Variants in NUMBL observed in about 807,000 individuals in gnomAD.
NUMBL encodes the protein NUMB like endocytic adaptor protein.
NUMBL carries 20 observed loss-of-function variants against 48.9 expected under a neutral mutation model. The ratio of observed to expected loss-of-function variants is 0.41; its 90% CI spans 0.29 to 0.59. The LOEUF is 0.59. NUMBL is among the 20% of genes least tolerant of loss of function. The pLI is 0.31. For synonymous variants in NUMBL, 340 were observed against 348.7 expected, an observed-to-expected ratio of 0.98 and a Z score of 0.28; for missense variants, 660 against 846.2, an observed-to-expected ratio of 0.78 and a Z score of 2.73.
chr19:40,673,637 G>C lies in NUMBL; in HGVS notation c.743C>G (p.Ala248Gly). ...AGGGCCAGGAGCCACAGTGGGGGCA[G>C]CTGCTGCCTCTGCTGGAGACATGGG... is the stretch of plus-strand genomic sequence containing the variant. ...APDKKKAEAA[A>G]APTVAPGPAQ... is the part of the protein sequence containing the mutation. The change falls in exon 8 of 10, where the codon GCT becomes GGT. Residue 248 changes from alanine to glycine, a missense_variant. Ala to Gly is a moderately conservative substitution (Grantham distance 60). Coordinates refer to ENST00000252891, the MANE Select transcript of NUMBL (RefSeq NM_004756.5). The surrounding 1 kb of genome is among the most constrained non-coding windows in gnomAD (Gnocchi z 5.9). 1 of 1,491,036 alleles carries C rather than the reference G, an allele frequency of 6.7e-7. No individual in the cohort carries two copies. 92.4% of individuals were successfully genotyped at this position (1,491,036 alleles called of 1,614,324 possible).
chr19:40,681,170 A>T, intron 5 of NUMBL, 113 bp from the exon 6 acceptor site: 2 of 1,145,790 alleles, frequency 1.7e-6, no homozygotes, highest in South Asian at 2.8e-5. Flanking sequence ...GGGACCCAGC[A>T]GTCACTGAGA....
At chr19:40,686,458 C>T (rs916488295) in intron 2 of NUMBL, among the ~76,000 whole-genome samples, 2 of 152,084 alleles carry the variant, frequency 1.3e-5, no homozygotes, top group Admixed American at 6.5e-5. Context: ...CCACCACGCC[C>T]GGCCAAGAGT....
intron 5 of NUMBL, among the ~76,000 whole-genome samples, chr19:40,681,807 G>C (rs2081906660): frequency 1.3e-5 from 2 of 151,982 alleles, no homozygotes; most frequent in Non-Finnish European, 2.9e-5. Context: ...CAAGTAGCTG[G>C]GATTACAGGC....
chr19:40,677,395 G>C lies in NUMBL; in HGVS notation c.567C>G (p.Gly189=), dbSNP rs1310476999. 12 of 1,610,658 alleles carry C rather than the reference G, an allele frequency of 7.5e-6. No individual in the cohort carries two copies. The highest frequency in any genetic ancestry group is 1.0e-5 in the Non-Finnish European group (12 of 1,179,914). The change falls in exon 7 of 10, where the codon GGC becomes GGG. Residue 189 remains glycine (G), a synonymous_variant. Transcript: ENST00000252891. ...DSGERLSHAV[G]CAFAACLERK... ...GCTCCAGGCAGGCGGCAAAAGCACA[G>C]CCCACAGCGTGGCTCAGCCTCTCGC...
At position 40,667,615 on chromosome 19, in the gene NUMBL, G is replaced by A. The variant is rs374888940; in HGVS notation, c.1683C>T (p.Pro561=). The A allele has an allele frequency of 4.5e-6, 7 of 1,554,506 alleles. No individual in the cohort carries two copies. The African/African-American group carries it at 8.2e-5, about 18-fold the overall frequency. ...SQARPRPNGA[P]WPPEPAPAPA... ...GGGCAGGCGCTGGCTCAGGGGGCCAGGGGGCCCCATTGGGGCGAGGGCGGG... is the reference window on the plus strand; with the variant it reads ...GGGCAGGCGCTGGCTCAGGGGGCCAAGGGGCCCCATTGGGGCGAGGGCGGG... The change falls in exon 10 of 10, where the codon CCC becomes CCT. Residue 561 remains proline, a synonymous_variant. Coordinates refer to ENST00000252891, the MANE Select transcript of NUMBL (RefSeq NM_004756.5). This position sits in a 1 kb window ranked among gnomAD's most constrained non-coding sequence, Gnocchi z 6.1.
chr19:40,684,067 A>C, intron 3 of NUMBL: 2 of 109,588 alleles, frequency 1.8e-5, no homozygotes, highest in South Asian at 8.6e-5. Flanking sequence ...CTACGCTTCA[A>C]GTTTTTTTTT....
chr19:40,690,204 CTTGGT>C (rs545895574), intron 1 of NUMBL: 503 of 354,632 alleles, frequency 1.4e-3, no homozygotes, highest in Non-Finnish European at 2.3e-3. Flanking sequence ...TACCCCTGTC[CTTGGT>C]TTTGTGGGGG....
intron 3 of NUMBL, 41 bp downstream of exon 3, chr19:40,684,376 C>T: frequency 6.5e-7 from 1 of 1,531,254 alleles, no homozygotes; most frequent in South Asian, 1.2e-5. Flanking sequence ...ACAGCGGCCC[C>T]CGTCCCCCTC....
Position 40,682,859 on chromosome 19 carries a change from C to T in NUMBL, c.324+35G>A. ...GTCAGGGTGCCTCTCCCTGTCTGACCTTGCCCCCTCCCTCATGGCAGCCCC... is the reference window on the plus strand; with the variant it reads ...GTCAGGGTGCCTCTCCCTGTCTGACTTTGCCCCCTCCCTCATGGCAGCCCC... On this transcript the variant is annotated intron_variant, in intron 4 of 9. Transcript: ENST00000252891. The surrounding 1 kb of genome is among the most constrained non-coding windows in gnomAD (Gnocchi z 4.0). 1 of 1,614,086 alleles carries T rather than the reference C, an allele frequency of 6.2e-7. No individual in the cohort carries two copies. The highest frequency in any genetic ancestry group is 8.5e-7 in the Non-Finnish European group (1 of 1,179,978).
At chr19:40,674,554 A>C (rs1212526430) in intron 7 of NUMBL, among the ~76,000 whole-genome samples, 1 of 152,170 alleles carries the variant, frequency 6.6e-6, no homozygotes, top group African/African-American at 2.4e-5. Flanking sequence ...CATGGAGATT[A>C]AACTCAGGCC....
chr19:40,684,877 A>G (rs1020456109), intron 2 of NUMBL: 2 of 317,422 alleles, frequency 6.3e-6, no homozygotes, highest in African/African-American at 2.2e-5. Context: ...CATGTGGTGG[A>G]TGCTTCCTCA....
In NUMBL at chr19:40,684,435, C is replaced by T. The variant is rs376149500; in HGVS notation, c.231G>A (p.Thr77=). Residue 77 remains threonine (T), a synonymous_variant, in exon 3 of 10, where the codon ACG becomes ACA. Coordinates refer to ENST00000252891, the MANE Select transcript of NUMBL (RefSeq NM_004756.5). ...QADEDAVRKG[T]CSFPVRYLGH... ...CACTCACCCTGACCGGGAAGCTGCA[C>T]GTGCCCTTCCGCACCGCGTCCTCGT... The T allele has an allele frequency of 4.5e-6, 7 of 1,572,002 alleles. No individual in the cohort carries two copies. The East Asian group carries it at 7.1e-5, about 16-fold the overall frequency.
Position 40,682,671 on chromosome 19 carries a change from G to A in NUMBL, c.399+57C>T, listed in dbSNP as rs1396427156. The A allele has an allele frequency of 2.6e-6, 4 of 1,562,766 alleles. No homozygotes were observed. The highest frequency in any genetic ancestry group is 3.5e-6 in the Non-Finnish European group (4 of 1,139,246). ...GAGGCGGGAAGGTGTCCTCCGCCCT[G>A]ATTCCAGCAGGGTGAGCAGACAGGC... On this transcript the variant is annotated intron_variant, in intron 5 of 9. Coordinates refer to ENST00000252891, the MANE Select transcript of NUMBL (RefSeq NM_004756.5). This position sits in a 1 kb window ranked among gnomAD's most constrained non-coding sequence, Gnocchi z 4.0.
At chr19:40,686,151 CTCTT>C (rs2081933278) in intron 2 of NUMBL, 1 of 125,616 alleles carries the variant, frequency 8.0e-6, no homozygotes, top group African/African-American at 3.5e-5. Context: ...AAGAGTGTGT[CTCTT>C]TTTTTTTTTT....
intron 5 of NUMBL, 106 bp from the exon 6 acceptor site, chr19:40,681,163 AC>A: frequency 1.6e-6 from 2 of 1,263,986 alleles, no homozygotes; most frequent in Non-Finnish European, 2.3e-6. Context: ...CAGGGTGGGG[AC>A]CCAGCAGTCA....
chr19:40,669,299 G>A (rs1004487813), intron 9 of NUMBL, among the ~76,000 whole-genome samples: 3 of 151,756 alleles, frequency 2.0e-5, no homozygotes, highest in African/African-American at 7.3e-5. Context: ...AGGGGATCCC[G>A]TGGCTCTAAA....
At position 40,667,969 on chromosome 19, in the gene NUMBL, T is replaced by G; in HGVS notation, c.1329A>C (p.Gln443His). 1 of 1,471,376 alleles carries G rather than the reference T, an allele frequency of 6.8e-7. No homozygotes were observed. The highest frequency in any genetic ancestry group is 8.9e-7 in the Non-Finnish European group (1 of 1,118,676). 91.1% of individuals were successfully genotyped at this position (1,471,376 alleles called of 1,614,324 possible). A position where few individuals can be genotyped will look rare whatever the true frequency, so the allele number is the denominator to read the frequency against. The change falls in exon 10 of 10, where the codon CAA (glutamine) becomes CAC (histidine). Residue 443 changes from glutamine (Q) to histidine (H), a missense_variant. Physicochemically the swap from Gln to His is conservative, Grantham distance 24. Around this residue, in one of 3 missense-constraint regions of NUMBL, gnomAD observed 296 missense variants for 339.7 expected, o/e 0.87. Transcript: ENST00000252891. This position sits in a 1 kb window ranked among gnomAD's most constrained non-coding sequence, Gnocchi z 6.1. ...QQQQQQQQQQ[Q>H]QQQAASVAPV... Reference sequence around the variant, plus strand: ...GGGCCACTGAGGCTGCTTGCTGCTGTTGCTGCTGCTGCTGCTGCTGCTGTT... The same window carrying G: ...GGGCCACTGAGGCTGCTTGCTGCTGGTGCTGCTGCTGCTGCTGCTGCTGTT...
chr19:40,684,181 G>T (rs2144664931), intron 3 of NUMBL: 2 of 469,944 alleles, frequency 4.3e-6, no homozygotes, highest in Middle Eastern at 6.0e-4. Context: ...CGATTCTCCT[G>T]TCTCAGCCTC....
At position 40,673,192 on chromosome 19, in the gene NUMBL, A is replaced by G; in HGVS notation, c.1036+152T>C. ...TCTTTCCTCTCCCTTGCCCACTGCT[A>G]ATCGATCATGACATGTTCCCACTCT... On this transcript the variant is annotated intron_variant, in intron 8 of 9. Transcript: ENST00000252891. This position sits in a 1 kb window ranked among gnomAD's most constrained non-coding sequence, Gnocchi z 5.9. 2 of 816,672 alleles carry G rather than the reference A, an allele frequency of 2.4e-6. No homozygotes were observed. The highest frequency in any genetic ancestry group is 3.8e-5 in the South Asian group (2 of 52,238). The allele number at this position is 816,672 out of a possible 1,614,324, so 50.6% of individuals were successfully genotyped here.
Sources: allele counts gnomAD v4.1 joint callset (sites outside exome capture counted in the v4.1 genomes callset), GRCh38; gene constraint gnomAD v4.1.1; regional missense constraint gnomAD v4.1.1; non-coding constraint Gnocchi (gnomAD v3.1); transcripts MANE v1.5; gene names NCBI Gene and HGNC (gene_info 2026-07-23, HGNC 2026-07-21).